The following LEKR1 variants were observed in gnomAD, a reference collection of about 807,000 sequenced individuals.
LEKR1 encodes leucine, glutamate and lysine rich 1, also known as protein LEKR1.
A neutral mutation model predicts 72.4 loss-of-function variants in LEKR1; 59 were observed. The ratio of observed to expected loss-of-function variants is 0.82; its 90% CI spans 0.66 to 1.01. The LOEUF is 1.01. Among genes scored for constraint, LEKR1 ranks in the 50% least tolerant of loss-of-function variants. The pLI is 0.00. For synonymous variants in LEKR1, 257 were observed against 263.2 expected (o/e 0.98, Z 0.23); for missense variants, 728 against 759.2 (o/e 0.96, Z 0.48).
chr3:157,023,533 A>G (rs1480145826), intron 10 of LEKR1, among the ~76,000 whole-genome samples: 1 of 152,198 alleles, frequency 6.6e-6, no homozygotes, highest in Non-Finnish European at 1.5e-5. Flanking sequence ...CTGAAGGGTC[A>G]GAGTGTGGAA....
intron 5 of LEKR1, among the ~76,000 whole-genome samples, chr3:156,941,458 A>T (rs1268853813): frequency 6.6e-6 from 1 of 152,042 alleles, no homozygotes; most frequent in African/African-American, 2.4e-5. Flanking sequence ...TGCTGGCCAA[A>T]TTACCTCTAC....
chr3:156,976,552 C>A (rs938707470), intron 6 of LEKR1, among the ~76,000 whole-genome samples: 1 of 152,024 alleles, frequency 6.6e-6, no homozygotes, highest in African/African-American at 2.4e-5. Context: ...AAAATCTAAA[C>A]CACCTTTTGG....
chr3:157,031,706 G>A (rs906538563), intron 12 of LEKR1, among the ~76,000 whole-genome samples: 1 of 152,092 alleles, frequency 6.6e-6, no homozygotes, highest in African/African-American at 2.4e-5. Context: ...CATTTAAGTG[G>A]AAAACAAATT....
chr3:157,025,317 A>G (rs1196676661), intron 11 of LEKR1, among the ~76,000 whole-genome samples: 2 of 152,222 alleles, frequency 1.3e-5, no homozygotes, highest in Non-Finnish European at 2.9e-5. Context: ...AATATTTTTC[A>G]TTCTCAACAT....
At chr3:156,978,557 C>T (rs1359219201) in intron 6 of LEKR1, among the ~76,000 whole-genome samples, 1 of 152,174 alleles carries the variant, frequency 6.6e-6, no homozygotes, top group Non-Finnish European at 1.5e-5. Flanking sequence ...GTTCTTTCTG[C>T]TATGGTTTCA....
At chr3:157,020,617 T>C (rs1486384753) in intron 10 of LEKR1, among the ~76,000 whole-genome samples, 2 of 151,784 alleles carry the variant, frequency 1.3e-5, no homozygotes, top group East Asian at 3.9e-4. Flanking sequence ...CTCATCATTT[T>C]TTATGGCTGC....
intron 9 of LEKR1, among the ~76,000 whole-genome samples, chr3:157,010,409 A>G (rs533871140): frequency 6.5e-4 from 99 of 152,204 alleles, no homozygotes; most frequent in African/African-American, 2.2e-3. Context: ...AGAAGTCAGG[A>G]AGAAAGGAAA....
chr3:156,864,304 G>C (rs1012496224), intron 3 of LEKR1, among the ~76,000 whole-genome samples: 12 of 151,962 alleles, frequency 7.9e-5, no homozygotes, highest in African/African-American at 2.9e-4. Flanking sequence ...CATCGTATCA[G>C]CTGGAAAAAC....
intron 6 of LEKR1, among the ~76,000 whole-genome samples, chr3:156,959,819 A>C (rs1320935083): frequency 6.6e-6 from 1 of 152,120 alleles, no homozygotes; most frequent in African/African-American, 2.4e-5. Flanking sequence ...GTGCTTCCTT[A>C]TATTTTAAAA....
chr3:157,028,780 T>A (rs1734390590), intron 12 of LEKR1, among the ~76,000 whole-genome samples: 1 of 152,200 alleles, frequency 6.6e-6, no homozygotes, highest in African/African-American at 2.4e-5. Flanking sequence ...TGCATACATT[T>A]AAAAAAATTA....
chr3:156,879,237 T>A (rs537884861), intron 3 of LEKR1, among the ~76,000 whole-genome samples: 51 of 152,300 alleles, frequency 3.3e-4, no homozygotes, highest in Middle Eastern at 6.8e-3. Flanking sequence ...ATATGGACAA[T>A]GAAATCCAGG....
At chr3:156,917,901 C>A (rs1723801955) in intron 3 of LEKR1, among the ~76,000 whole-genome samples, 1 of 151,946 alleles carries the variant, frequency 6.6e-6, no homozygotes, top group African/African-American at 2.4e-5. Flanking sequence ...CAGACTATAG[C>A]AGGGGAATAG....
At chr3:156,959,307 A>G (rs1172699899) in intron 6 of LEKR1, among the ~76,000 whole-genome samples, 1 of 152,218 alleles carries the variant, frequency 6.6e-6, no homozygotes, top group East Asian at 1.9e-4. Context: ...TATATTAGAA[A>G]TCACTTAAAT....
chr3:156,870,957 T>TA (rs1553790151), intron 3 of LEKR1, among the ~76,000 whole-genome samples: 2 of 151,880 alleles, frequency 1.3e-5, no homozygotes, highest in Non-Finnish European at 1.5e-5. Context: ...CATTCTTTTT[T>TA]TTATTATTAT....
chr3:157,014,601 A>G (rs1458616478), intron 10 of LEKR1, among the ~76,000 whole-genome samples: 2 of 152,174 alleles, frequency 1.3e-5, no homozygotes, highest in Non-Finnish European at 2.9e-5. Context: ...TAAAATATCA[A>G]TTTTAATTTA....
intron 3 of LEKR1, among the ~76,000 whole-genome samples, chr3:156,915,866 T>A (rs1239389694): frequency 6.6e-6 from 1 of 152,214 alleles, no homozygotes; most frequent in African/African-American, 2.4e-5. Flanking sequence ...ATTGCCTAGG[T>A]TGTCTTCCAG....
intron 3 of LEKR1, among the ~76,000 whole-genome samples, chr3:156,912,266 G>T (rs923085626): frequency 6.6e-6 from 1 of 152,058 alleles, no homozygotes; most frequent in Admixed American, 6.6e-5. Flanking sequence ...TACCCAATAT[G>T]TAGTGTTTTA....
intron 3 of LEKR1, among the ~76,000 whole-genome samples, chr3:156,895,385 G>C (rs1292048156): frequency 6.6e-6 from 1 of 152,128 alleles, no homozygotes; most frequent in African/African-American, 2.4e-5. Flanking sequence ...AGGCCAAGGT[G>C]GGTGGATCAA....
intron 6 of LEKR1, among the ~76,000 whole-genome samples, chr3:156,969,088 G>GAC (rs1320069436): frequency 6.6e-6 from 1 of 152,036 alleles, no homozygotes; most frequent in Admixed American, 6.6e-5. Flanking sequence ...CGAGAACAAA[G>GAC]ACACAACATA....
Sources: gnomAD v4.1 joint callset for allele counts (sites outside exome capture counted in the v4.1 genomes callset) on GRCh38, gnomAD v4.1.1 for gene constraint, MANE v1.5 for transcripts, NCBI Gene and HGNC (gene_info 2026-07-23, HGNC 2026-07-21) for gene names.